The following MFHAS1 variants were observed in gnomAD, a reference collection of about 807,000 sequenced individuals.
MFHAS1 encodes multifunctional ROCO family signaling regulator 1, also known as malignant fibrous histiocytoma-amplified sequence 1.
A neutral mutation model predicts 70.4 loss-of-function variants in MFHAS1; 50 were observed. The ratio of observed to expected loss-of-function variants is 0.71; its 90% CI spans 0.57 to 0.90. The LOEUF is 0.90. MFHAS1 is among the 40% of genes least tolerant of loss of function. The pLI is 0.00. For missense variants in MFHAS1, 1,795 were observed against 1,347.6 expected (o/e 1.33, Z -5.20); for synonymous variants, 952 against 620.0 (o/e 1.54, Z -7.96).
At chr8:8,884,966 A>G (rs1809695891) in intron 1 of MFHAS1, among the ~76,000 whole-genome samples, 1 of 151,948 alleles carries the variant, frequency 6.6e-6, no homozygotes, top group African/African-American at 2.4e-5. Flanking sequence ...CCCCCCAAAA[A>G]AAAAGTTATT....
In MFHAS1 at chr8:8,893,309, C is replaced by G. The variant is rs1340358562; in HGVS notation, c.-251G>C. 1.3e-4 allele frequency: 19 copies of G among 148,844 alleles called. No homozygotes were observed. Among genetic ancestry groups the G allele is most frequent in the Admixed American group, 1.2e-3 (18 of 14,884 alleles). 9.2% of individuals were successfully genotyped at this position (148,844 alleles called of 1,614,324 possible). ...TCCCTGCGGCCGGGCCATGGGCGCG[C>G]CGGGCAGCAGGGCCGCCGCCCGCGC... On this transcript the variant is annotated 5_prime_UTR_variant, in exon 1 of 3. Transcript: ENST00000276282.
At chr8:8,864,329 C>T (rs1049971478) in intron 1 of MFHAS1, among the ~76,000 whole-genome samples, 3 of 152,228 alleles carry the variant, frequency 2.0e-5, no homozygotes, top group Non-Finnish European at 4.4e-5. Flanking sequence ...GCCCACTGCA[C>T]GATTCAAGGA....
intron 1 of MFHAS1, among the ~76,000 whole-genome samples, chr8:8,881,523 C>T (rs1453749547): frequency 6.6e-6 from 1 of 152,184 alleles, no homozygotes; most frequent in Non-Finnish European, 1.5e-5. Context: ...TCACGCTCCT[C>T]ACCATCTATA....
At chr8:8,792,267 T>C (rs116873064) in intron 2 of MFHAS1, among the ~76,000 whole-genome samples, 1,350 of 89,858 alleles carry the variant, frequency 0.015, 8 homozygotes, top group South Asian at 0.026. Flanking sequence ...TGCTTCATAC[T>C]AACACACCAG....
intron 1 of MFHAS1, among the ~76,000 whole-genome samples, chr8:8,864,524 C>T (rs1265029908): frequency 6.6e-6 from 1 of 152,208 alleles, no homozygotes; most frequent in South Asian, 2.1e-4. Context: ...TCAGACAAGT[C>T]AAAATGCAAT....
At chr8:8,827,930 G>C (rs1484195450) in intron 1 of MFHAS1, among the ~76,000 whole-genome samples, 1 of 151,658 alleles carries the variant, frequency 6.6e-6, no homozygotes, top group African/African-American at 2.4e-5. Context: ...GACTTTCTTT[G>C]TTATGTAGTT....
chr8:8,793,014 G>A (rs1025368113), intron 2 of MFHAS1, among the ~76,000 whole-genome samples: 1 of 152,114 alleles, frequency 6.6e-6, no homozygotes, highest in Admixed American at 6.5e-5. Flanking sequence ...ATCAGCAAGG[G>A]GGAGAAGAAG....
intron 1 of MFHAS1, among the ~76,000 whole-genome samples, chr8:8,851,582 A>G (rs1365147624): frequency 6.6e-6 from 1 of 152,220 alleles, no homozygotes; most frequent in East Asian, 1.9e-4. Flanking sequence ...TCCATATACT[A>G]TTAAAAAACC....
chr8:8,881,817 A>G lies in MFHAS1; in HGVS notation c.2998+8244T>C, dbSNP rs932097330. Among the ~76,000 whole-genome samples, 14 of 146,318 alleles carry G rather than the reference A, an allele frequency of 9.6e-5. No homozygotes were observed. The South Asian group carries it at 2.3e-3, about 24-fold the overall frequency. On this transcript the variant is annotated intron_variant, in intron 1 of 2. Transcript: ENST00000276282. ...GGTGACAGAGTAAGACTCCGTCTCA[A>G]AAAAAAAAAAAAAAAAAGAAAGCAG... is the stretch of plus-strand genomic sequence containing the variant.
chr8:8,796,839 C>CA (rs1172225420), intron 2 of MFHAS1, among the ~76,000 whole-genome samples: 1 of 151,034 alleles, frequency 6.6e-6, no homozygotes, highest in East Asian at 1.9e-4. Flanking sequence ...ACTAAAAATA[C>CA]AAAAAAATTA....
chr8:8,789,129 T>C (rs1211829660), intron 2 of MFHAS1, among the ~76,000 whole-genome samples: 1 of 143,170 alleles, frequency 7.0e-6, no homozygotes, highest in African/African-American at 2.5e-5. Context: ...ACGGGGGAAG[T>C]GGTGGCTGGG....
rs1810085291 is a variant in MFHAS1 at position 8,892,188 on chromosome 8, C to G, written c.871G>C (p.Ala291Pro). 6.2e-7 allele frequency: 1 copy of G among 1,609,906 alleles called. No individual in the cohort carries two copies. Among genetic ancestry groups the G allele is most frequent in the Non-Finnish European group, 8.5e-7 (1 of 1,179,986 alleles). The change falls in exon 1 of 3, where the codon GCG becomes CCG. Residue 291 changes from alanine (A) to proline (P), a missense_variant. Physicochemically the swap from Ala to Pro is conservative, Grantham distance 27 (BLOSUM62 -1). Transcript: ENST00000276282. This position sits in a 1 kb window ranked among gnomAD's most constrained non-coding sequence, Gnocchi z 4.7. ...SSNLFEEFPAALLPLAGLEEL... is the reference protein window; with the variant it reads ...SSNLFEEFPAPLLPLAGLEEL... Reference sequence around the variant, plus strand: ...TCCAGACCAGCCAGGGGCAGCAGCGCGGCAGGGAACTCCTCGAAGAGGTTG... The same window carrying G: ...TCCAGACCAGCCAGGGGCAGCAGCGGGGCAGGGAACTCCTCGAAGAGGTTG...
Position 8,891,268 on chromosome 8 carries a change from G to T in MFHAS1, c.1791C>A (p.Gly597=). The change falls in exon 1 of 3, where the codon GGC becomes GGA. Residue 597 remains glycine, a synonymous_variant. Transcript: ENST00000276282. This position sits in a 1 kb window ranked among gnomAD's most constrained non-coding sequence, Gnocchi z 5.4. ...GCCGTCGAAGGTTCTTGTCCGAAAC[G>T]CCATAGTAGGCTGCGTGGGGGCTGG... The part of the protein sequence containing the change: ...RSASPHAAYY[G]VSDKNLRRRK... 3 of 1,611,948 alleles carry T rather than the reference G, an allele frequency of 1.9e-6. No homozygotes were observed. Among genetic ancestry groups the T allele is most frequent in the Non-Finnish European group, 2.5e-6 (3 of 1,180,020 alleles).
chr8:8,852,748 G>A (rs1235784800), intron 1 of MFHAS1, among the ~76,000 whole-genome samples: 1 of 152,070 alleles, frequency 6.6e-6, no homozygotes, highest in African/African-American at 2.4e-5. Flanking sequence ...CCCTAATAGG[G>A]CACAGCCAAG....
intron 1 of MFHAS1, among the ~76,000 whole-genome samples, chr8:8,885,498 CTCAACT>C (rs1467586737): frequency 1.3e-5 from 2 of 152,188 alleles, no homozygotes; most frequent in African/African-American, 4.8e-5. Flanking sequence ...TGTACCCTCA[CTCAACT>C]TCAAGAGTAC....
intron 1 of MFHAS1, among the ~76,000 whole-genome samples, chr8:8,841,800 C>T (rs1230841264): frequency 6.6e-6 from 1 of 152,174 alleles, no homozygotes; most frequent in Non-Finnish European, 1.5e-5. Flanking sequence ...ACCAAAAAGA[C>T]TTGATCTTCC....
chr8:8,856,125 G>C (rs1008093325), intron 1 of MFHAS1, among the ~76,000 whole-genome samples: 1 of 152,174 alleles, frequency 6.6e-6, no homozygotes, highest in Admixed American at 6.5e-5. Context: ...GATTCCCCAT[G>C]AACTCCTCAC....
intron 1 of MFHAS1, among the ~76,000 whole-genome samples, chr8:8,830,093 G>T (rs1055314144): frequency 1.3e-5 from 2 of 152,190 alleles, no homozygotes; most frequent in Non-Finnish European, 1.5e-5. Flanking sequence ...CCCGGGACTA[G>T]ATGACCTCTA....
At chr8:8,789,122 G>A (rs898055039) in intron 2 of MFHAS1, among the ~76,000 whole-genome samples, 6 of 152,120 alleles carry the variant, frequency 3.9e-5, no homozygotes, top group South Asian at 2.1e-4. Context: ...GGCAGAGACG[G>A]GGGAAGTGGT....
Sources: gnomAD v4.1 joint callset for allele counts (sites outside exome capture counted in the v4.1 genomes callset) on GRCh38, gnomAD v4.1.1 for gene constraint, Gnocchi (gnomAD v3.1) non-coding constraint, MANE v1.5 for transcripts, NCBI Gene and HGNC (gene_info 2026-07-23, HGNC 2026-07-21) for gene names.